Variants in EPHB1 observed in about 807,000 individuals in gnomAD.
EPHB1 encodes ephrin type-B receptor 1.
In EPHB1, 30 loss-of-function variants were observed where a neutral mutation model predicts 94.4. That is an observed-to-expected ratio of 0.32 (90% CI 0.24 to 0.43). The LOEUF is 0.43. EPHB1 is among the 20% of genes least tolerant of loss of function. EPHB1 has a pLI of 1.00. For missense variants in EPHB1, 1,055 were observed against 1,308.3 expected (o/e 0.81, Z 2.99); for synonymous variants, 522 against 489.1 (o/e 1.07, Z -0.89).
At chr3:135,032,024 A>C (rs1378351752) in intron 3 of EPHB1, among the ~76,000 whole-genome samples, 1 of 151,972 alleles carries the variant, frequency 6.6e-6, no homozygotes, top group Non-Finnish European at 1.5e-5. Context: ...GAAGCATTCA[A>C]GTTCTTCTCT....
intron 11 of EPHB1, among the ~76,000 whole-genome samples, chr3:135,194,042 C>T (rs1176834905): frequency 6.6e-6 from 1 of 152,158 alleles, no homozygotes; most frequent in Admixed American, 6.5e-5. Flanking sequence ...TTAGAGCAAG[C>T]TGGGTCTCAA....
intron 5 of EPHB1, among the ~76,000 whole-genome samples, chr3:135,139,376 G>T (rs912470050): frequency 1.7e-4 from 26 of 152,178 alleles, no homozygotes; most frequent in Non-Finnish European, 1.2e-4. Context: ...TTTAACTTTG[G>T]AAATGTATTC....
At chr3:135,199,261 C>T (rs984498409) in intron 11 of EPHB1, among the ~76,000 whole-genome samples, 9 of 152,162 alleles carry the variant, frequency 5.9e-5, no homozygotes, top group African/African-American at 2.2e-4. Context: ...GGCTGAGATA[C>T]ACCTCTGTAA....
intron 3 of EPHB1, among the ~76,000 whole-genome samples, chr3:134,989,520 C>T (rs923639369): frequency 2.7e-5 from 4 of 150,094 alleles, no homozygotes; most frequent in Non-Finnish European, 5.9e-5. Flanking sequence ...CACACACACA[C>T]ATATATGTGA....
chr3:134,856,269 T>C (rs1461948352), intron 1 of EPHB1, among the ~76,000 whole-genome samples: 1 of 152,124 alleles, frequency 6.6e-6, no homozygotes, highest in Non-Finnish European at 1.5e-5. Context: ...GGAAAGGGAC[T>C]TCATGGGGAG....
chr3:135,102,550 G>T (rs989843849), intron 3 of EPHB1, among the ~76,000 whole-genome samples: 1 of 152,160 alleles, frequency 6.6e-6, no homozygotes, highest in Non-Finnish European at 1.5e-5. Flanking sequence ...GATTAGCCTG[G>T]CACTTTCACC....
chr3:134,895,111 T>C (rs931314071), intron 1 of EPHB1, among the ~76,000 whole-genome samples: 8 of 152,222 alleles, frequency 5.3e-5, no homozygotes, highest in African/African-American at 1.9e-4. Flanking sequence ...TTAAAAGATG[T>C]GATTTATACA....
chr3:135,109,046 A>G (rs1004114709), intron 4 of EPHB1, among the ~76,000 whole-genome samples: 3 of 152,180 alleles, frequency 2.0e-5, no homozygotes, highest in Non-Finnish European at 4.4e-5. Context: ...AGGGGTTGCG[A>G]AGGTTATGGA....
chr3:135,111,925 G>A (rs997080913), intron 4 of EPHB1, among the ~76,000 whole-genome samples: 7 of 152,288 alleles, frequency 4.6e-5, no homozygotes, highest in Non-Finnish European at 5.9e-5. Context: ...TGATCTGCCC[G>A]CCTCAGCCTC....
At chr3:135,067,345 C>T (rs975456659) in intron 3 of EPHB1, among the ~76,000 whole-genome samples, 3 of 151,994 alleles carry the variant, frequency 2.0e-5, no homozygotes, top group South Asian at 2.1e-4. Context: ...TGAGCTCAGA[C>T]CCTCCTTGGG....
In EPHB1 at chr3:135,125,032, C is replaced by G. The variant is rs981173683; in HGVS notation, c.962-7682C>G. ...TTGAGCAAAACCATGTCCCATATGT[C>G]TGGTATTCATTGTCGGCAGATTGCA... On this transcript the variant is annotated intron_variant, in intron 4 of 15. Coordinates refer to ENST00000398015, the MANE Select transcript of EPHB1 (RefSeq NM_004441.5). 5.3e-5 allele frequency among the ~76,000 whole-genome samples: 8 copies of G among 151,614 alleles called. 1 individual carries two copies. The highest frequency in any genetic ancestry group is 2.0e-4 in the African/African-American group (8 of 40,944).
chr3:135,240,615 C>T (rs955795410), intron 12 of EPHB1, among the ~76,000 whole-genome samples: 2 of 152,276 alleles, frequency 1.3e-5, no homozygotes, highest in Admixed American at 6.5e-5. Context: ...GTTAGGGAAA[C>T]CTGCCCCCCA....
At chr3:135,103,254 A>G (rs760192845) in intron 3 of EPHB1, among the ~76,000 whole-genome samples, 1 of 152,236 alleles carries the variant, frequency 6.6e-6, no homozygotes, top group African/African-American at 2.4e-5. Context: ...ATAAAGTCTG[A>G]GTATTAAGGA....
chr3:135,111,345 A>G (rs1245258754), intron 4 of EPHB1, among the ~76,000 whole-genome samples: 2 of 152,232 alleles, frequency 1.3e-5, no homozygotes, highest in Non-Finnish European at 2.9e-5. Context: ...AAGCCCTGCA[A>G]GTAACTCTGA....
intron 3 of EPHB1, among the ~76,000 whole-genome samples, chr3:135,029,513 G>A (rs985754204): frequency 1.4e-5 from 2 of 147,920 alleles, no homozygotes; most frequent in African/African-American, 4.9e-5. Context: ...GAAATTCTGG[G>A]TTGAAAATTC....
At chr3:135,178,939 G>A (rs943259329) in intron 9 of EPHB1, among the ~76,000 whole-genome samples, 4 of 152,104 alleles carry the variant, frequency 2.6e-5, no homozygotes, top group South Asian at 2.1e-4. Flanking sequence ...AACAATTCCT[G>A]TACTTTGCTT....
intron 4 of EPHB1, among the ~76,000 whole-genome samples, chr3:135,131,095 A>T (rs954970417): frequency 3.3e-5 from 5 of 152,156 alleles, no homozygotes; most frequent in Non-Finnish European, 2.9e-5. Context: ...TTGAAAAGAG[A>T]TGGATGTTTA....
intron 1 of EPHB1, among the ~76,000 whole-genome samples, chr3:134,853,844 G>C (rs2037046815): frequency 6.6e-6 from 1 of 152,126 alleles, no homozygotes; most frequent in Non-Finnish European, 1.5e-5. Context: ...CAGAGACAGG[G>C]GTTCCATATA....
chr3:134,827,551 T>C (rs750132921), intron 1 of EPHB1, among the ~76,000 whole-genome samples: 3 of 152,234 alleles, frequency 2.0e-5, no homozygotes, highest in Non-Finnish European at 4.4e-5. Context: ...CAGGTTTATG[T>C]TGTGACTACA....
Sources: allele counts gnomAD v4.1 joint callset (sites outside exome capture counted in the v4.1 genomes callset), GRCh38; gene constraint gnomAD v4.1.1; transcripts MANE v1.5; gene names NCBI Gene and HGNC (gene_info 2026-07-23, HGNC 2026-07-21).